OXR1: variants seen among roughly 807,000 people sequenced by gnomAD.
OXR1 encodes the protein oxidation resistance 1, also known as oxidation resistance protein 1.
In OXR1, 41 loss-of-function variants were observed where a neutral mutation model predicts 104.6. The observed-to-expected ratio is 0.39, with a 90% CI of 0.31 to 0.51. The LOEUF is 0.51. Among genes scored for constraint, OXR1 ranks in the 20% least tolerant of loss-of-function variants. The probability of loss-of-function intolerance (pLI) is 0.77; values close to 1 mark genes in which losing one functional copy is unlikely to be tolerated. For synonymous variants in OXR1, 348 were observed against 348.4 expected (o/e 1.00, Z 0.01); for missense variants, 955 against 1,031.9 (o/e 0.93, Z 1.02).
chr8:106,472,061 G>T (rs940411972), intron 2 of OXR1, among the ~76,000 whole-genome samples: 2 of 151,652 alleles, frequency 1.3e-5, no homozygotes, highest in African/African-American at 4.8e-5. Context: ...TCAGTTTGTT[G>T]TTATGTCTCT....
intron 11 of OXR1, among the ~76,000 whole-genome samples, chr8:106,718,837 T>TC (rs1832551537): frequency 1.3e-5 from 1 of 78,182 alleles, no homozygotes; most frequent in African/African-American, 6.7e-5. Flanking sequence ...AGACTCCACC[T>TC]CAAAAAAAAA....
intron 1 of OXR1, among the ~76,000 whole-genome samples, chr8:106,320,206 A>G (rs1291227234): frequency 1.3e-5 from 2 of 152,180 alleles, no homozygotes; most frequent in Non-Finnish European, 2.9e-5. Flanking sequence ...AAGTGCCAAC[A>G]TTCATCTTCA....
chr8:106,609,087 CAATCTTAGTT>C (rs1820616178), intron 3 of OXR1, among the ~76,000 whole-genome samples: 2 of 151,990 alleles, frequency 1.3e-5, no homozygotes, highest in South Asian at 4.2e-4. Flanking sequence ...TAACATAACT[CAATCTTAGTT>C]GATCTTAGTA....
chr8:106,322,124 C>G (rs1330316400), intron 1 of OXR1, among the ~76,000 whole-genome samples: 1 of 152,120 alleles, frequency 6.6e-6, no homozygotes, highest in Non-Finnish European at 1.5e-5. Flanking sequence ...CAATATAACA[C>G]TTTAGTTGAA....
intron 2 of OXR1, among the ~76,000 whole-genome samples, chr8:106,434,162 T>A (rs2130571032): frequency 1.3e-5 from 2 of 152,256 alleles, no homozygotes; most frequent in South Asian, 4.2e-4. Flanking sequence ...TAGAAAATAA[T>A]GTTACCCATG....
At chr8:106,332,777 AC>A in intron 1 of OXR1, among the ~76,000 whole-genome samples, 1 of 152,226 alleles carries the variant, frequency 6.6e-6, no homozygotes, top group South Asian at 2.1e-4. Context: ...GTCATTTCTT[AC>A]TTCCTTCTTT....
At chr8:106,454,698 AAT>A (rs924489627) in intron 2 of OXR1, among the ~76,000 whole-genome samples, 6 of 152,034 alleles carry the variant, frequency 3.9e-5, no homozygotes, top group Non-Finnish European at 7.4e-5. Flanking sequence ...TCGTGGAATC[AAT>A]ATATGGTATT....
At chr8:106,300,619 C>T (rs763771156) in intron 1 of OXR1, among the ~76,000 whole-genome samples, 3 of 152,056 alleles carry the variant, frequency 2.0e-5, no homozygotes, top group Admixed American at 6.6e-5. Flanking sequence ...TACAAATATT[C>T]GACCCAAGGC....
chr8:106,546,276 G>C (rs1397761272), intron 3 of OXR1, among the ~76,000 whole-genome samples: 5 of 152,162 alleles, frequency 3.3e-5, no homozygotes, highest in Admixed American at 3.3e-4. Context: ...CTTTCATCGT[G>C]AATGTCCCTT....
chr8:106,317,153 G>A (rs888903144), intron 1 of OXR1, among the ~76,000 whole-genome samples: 3 of 152,206 alleles, frequency 2.0e-5, no homozygotes, highest in Non-Finnish European at 2.9e-5. Context: ...AAGAGGAAGT[G>A]TGTTCACCTT....
chr8:106,323,345 C>CT (rs1468745747), intron 1 of OXR1, among the ~76,000 whole-genome samples: 1 of 151,924 alleles, frequency 6.6e-6, no homozygotes, highest in Admixed American at 6.6e-5. Flanking sequence ...GCAGAAGATT[C>CT]TTTACACCAT....
At chr8:106,504,282 G>A (rs1268512987) in intron 2 of OXR1, among the ~76,000 whole-genome samples, 1 of 152,158 alleles carries the variant, frequency 6.6e-6, no homozygotes, top group Non-Finnish European at 1.5e-5. Context: ...CAGTTAAGAG[G>A]AGTCCAGAGG....
rs573068099 is a variant in OXR1 at position 106,579,582 on chromosome 8, C to T, written c.220+60443C>T. Among the ~76,000 whole-genome samples, 4 of 152,234 alleles carry T rather than the reference C, an allele frequency of 2.6e-5. No individual in the cohort carries two copies. In the South Asian group the frequency reaches 8.3e-4, roughly 32 times the overall value. On this transcript the variant is annotated intron_variant, in intron 3 of 16. Coordinates refer to ENST00000517566, the MANE Select transcript of OXR1 (RefSeq NM_001198533.2). ...GAGCACTTCCTTGCCTCATCTCATG[C>T]ACTGCTCATGAGAACCCCATAGGGT... is the stretch of plus-strand genomic sequence containing the variant.
intron 2 of OXR1, among the ~76,000 whole-genome samples, chr8:106,470,191 G>T (rs1056382562): frequency 4.0e-5 from 6 of 151,782 alleles, no homozygotes; most frequent in Non-Finnish European, 7.4e-5. Context: ...GATAGTCATT[G>T]CAGGACTTTG....
At chr8:106,470,071 G>A (rs1017939061) in intron 2 of OXR1, among the ~76,000 whole-genome samples, 3 of 151,770 alleles carry the variant, frequency 2.0e-5, no homozygotes, top group Admixed American at 6.6e-5. Flanking sequence ...AGTGCAATGA[G>A]TTAGTGAAAG....
At chr8:106,527,094 G>T (rs1349699914) in intron 3 of OXR1, among the ~76,000 whole-genome samples, 1 of 152,172 alleles carries the variant, frequency 6.6e-6, no homozygotes, top group African/African-American at 2.4e-5. Context: ...AAACAAAGTA[G>T]TTAGAATCTC....
intron 2 of OXR1, among the ~76,000 whole-genome samples, chr8:106,516,923 A>G (rs189718038): frequency 2.0e-4 from 30 of 152,282 alleles, no homozygotes; most frequent in Non-Finnish European, 3.4e-4. Flanking sequence ...TGAAAAAAAC[A>G]TGGTATGTAC....
intron 3 of OXR1, among the ~76,000 whole-genome samples, chr8:106,623,957 ATTG>A (rs1236599203): frequency 6.6e-6 from 1 of 152,164 alleles, no homozygotes; most frequent in East Asian, 1.9e-4. Flanking sequence ...TGTTTTCCAA[ATTG>A]TTATTTTTGC....
chr8:106,705,753 CATTT>C (rs1328668795), intron 8 of OXR1, among the ~76,000 whole-genome samples: 1 of 152,086 alleles, frequency 6.6e-6, no homozygotes, highest in East Asian at 1.9e-4. Context: ...ATGAACCATT[CATTT>C]GTCTAGTATC....
Sources: gnomAD v4.1 joint callset for allele counts (sites outside exome capture counted in the v4.1 genomes callset) on GRCh38, gnomAD v4.1.1 for gene constraint, MANE v1.5 for transcripts, NCBI Gene and HGNC (gene_info 2026-07-23, HGNC 2026-07-21) for gene names.